Variants in SLC30A8 observed in about 807,000 individuals in gnomAD.
SLC30A8 encodes proton-coupled zinc antiporter SLC30A8.
SLC30A8 carries 27 observed loss-of-function variants against 36.9 expected under a neutral mutation model. The ratio of observed to expected loss-of-function variants is 0.73; its 90% CI spans 0.54 to 1.01. The LOEUF is 1.01. Ranked by LOEUF, SLC30A8 falls within the 50% of genes least tolerant of loss-of-function variation. The probability of loss-of-function intolerance (pLI) is 0.00; values close to 1 mark genes in which losing one functional copy is unlikely to be tolerated. For missense variants in SLC30A8, 439 were observed against 452.0 expected, an observed-to-expected ratio of 0.97 and a Z score of 0.26; for synonymous variants, 164 against 172.4, an observed-to-expected ratio of 0.95 and a Z score of 0.38.
intron 2 of SLC30A8, among the ~76,000 whole-genome samples, chr8:117,095,833 T>A (rs1327476981): frequency 6.6e-6 from 1 of 152,218 alleles, no homozygotes; most frequent in Non-Finnish European, 1.5e-5. Flanking sequence ...ATAAGTTTTT[T>A]AACTGATCAT....
At chr8:117,167,482 T>C (rs1232796706) in intron 6 of SLC30A8, among the ~76,000 whole-genome samples, 1 of 147,358 alleles carries the variant, frequency 6.8e-6, no homozygotes, top group African/African-American at 2.5e-5. Context: ...TGCATTTGCA[T>C]ATATATATAT....
chr8:117,015,192 C>T (rs1563748708), intron 1 of SLC30A8, among the ~76,000 whole-genome samples: 1 of 151,860 alleles, frequency 6.6e-6, no homozygotes, highest in Non-Finnish European at 1.5e-5. Flanking sequence ...CTTAAAAGTT[C>T]CCCGCTATCT....
chr8:116,963,705 T>C (rs898690396), intron 1 of SLC30A8, among the ~76,000 whole-genome samples: 1 of 152,218 alleles, frequency 6.6e-6, no homozygotes, highest in Admixed American at 6.5e-5. Flanking sequence ...TCGTGAATAG[T>C]GCTGCTATGA....
At chr8:117,133,285 TC>T (rs1298922952), upstream of SLC30A8, among the ~76,000 whole-genome samples, 4 of 152,128 alleles carry the variant, frequency 2.6e-5, no homozygotes, top group African/African-American at 9.6e-5. Context: ...TCTTCACTTT[TC>T]CCTGTCCTAC....
At chr8:117,007,354 AAATTAAAATCTC>A (rs1461904676) in intron 1 of SLC30A8, among the ~76,000 whole-genome samples, 1 of 152,196 alleles carries the variant, frequency 6.6e-6, no homozygotes, top group Non-Finnish European at 1.5e-5. Context: ...GGCTTCATAA[AAATTAAAATCTC>A]TTTTCCTCTC....
At chr8:117,101,233 G>A (rs1035798937) in intron 2 of SLC30A8, among the ~76,000 whole-genome samples, 2 of 152,266 alleles carry the variant, frequency 1.3e-5, no homozygotes, top group Middle Eastern at 3.4e-3. Context: ...AGACAAGTGC[G>A]TCTTTCCAGG....
chr8:117,098,694 AG>A (rs1290085780), intron 2 of SLC30A8, among the ~76,000 whole-genome samples: 1 of 152,194 alleles, frequency 6.6e-6, no homozygotes, highest in Non-Finnish European at 1.5e-5. Context: ...TGGGGCACAA[AG>A]AAATGCCAAA....
At chr8:116,961,692 G>A (rs1390981840) in intron 1 of SLC30A8, among the ~76,000 whole-genome samples, 1 of 151,924 alleles carries the variant, frequency 6.6e-6, no homozygotes, top group Non-Finnish European at 1.5e-5. Flanking sequence ...TGGCCTCTGG[G>A]GAGGGCCTTG....
rs565662892 is a variant in SLC30A8, at chr8:117,146,287, G to A, written c.72-667G>A. Among the ~76,000 whole-genome samples the A allele has an allele frequency of 2.0e-5, 3 of 152,166 alleles. No homozygotes were observed. In the East Asian group the frequency reaches 5.8e-4, roughly 29 times the overall value. On this transcript the variant is annotated intron_variant, in intron 1 of 7. Transcript: ENST00000456015. Reference sequence around the variant, plus strand: ...AAAATTGTTTTAAAAAAAGAAAAAAGGGGTTAGACCAAATGTTATCTACCT... The same window carrying A: ...AAAATTGTTTTAAAAAAAGAAAAAAAGGGTTAGACCAAATGTTATCTACCT...
At chr8:116,954,738 C>T (rs1488225693) in intron 1 of SLC30A8, among the ~76,000 whole-genome samples, 1 of 152,080 alleles carries the variant, frequency 6.6e-6, no homozygotes, top group Admixed American at 6.5e-5. Flanking sequence ...AGCTCAGTAG[C>T]TAGGCAAAAA....
intron 1 of SLC30A8, among the ~76,000 whole-genome samples, chr8:117,015,792 G>A (rs1454843905): frequency 1.3e-5 from 2 of 152,136 alleles, no homozygotes; most frequent in African/African-American, 4.8e-5. Flanking sequence ...ATGACTCTAA[G>A]CCATATGTTT....
At chr8:117,002,292 T>TATAA (rs1255731928) in intron 1 of SLC30A8, among the ~76,000 whole-genome samples, 1 of 152,210 alleles carries the variant, frequency 6.6e-6, no homozygotes, top group East Asian at 1.9e-4. Flanking sequence ...AGATAAGATA[T>TATAA]ATAAACTCCA....
At chr8:117,051,220 CTCGTTGGCCAA>C (rs1405334611) in intron 2 of SLC30A8, among the ~76,000 whole-genome samples, 2 of 152,214 alleles carry the variant, frequency 1.3e-5, no homozygotes, top group African/African-American at 2.4e-5. Flanking sequence ...ATTGTACTGA[CTCGTTGGCCAA>C]TCATCCTCTA....
chr8:117,012,421 A>G (rs1816372301), intron 1 of SLC30A8, among the ~76,000 whole-genome samples: 1 of 152,040 alleles, frequency 6.6e-6, no homozygotes, highest in Non-Finnish European at 1.5e-5. Flanking sequence ...ATATTAAAAA[A>G]AAAATGTGTC....
At chr8:117,141,761 A>G (rs1177170782) in intron 1 of SLC30A8, among the ~76,000 whole-genome samples, 1 of 152,152 alleles carries the variant, frequency 6.6e-6, no homozygotes, top group Non-Finnish European at 1.5e-5. Flanking sequence ...AATGAGTTCT[A>G]CTCAACGTGG....
At chr8:117,158,668 G>T (rs1822625594) in intron 4 of SLC30A8, among the ~76,000 whole-genome samples, 1 of 152,180 alleles carries the variant, frequency 6.6e-6, no homozygotes, top group Non-Finnish European at 1.5e-5. Context: ...TGAACTACTG[G>T]ATTGCCCAGG....
At chr8:117,076,826 A>C (rs114728148) in intron 2 of SLC30A8, among the ~76,000 whole-genome samples, 4,430 of 151,910 alleles carry the variant, frequency 0.029, 147 homozygotes, top group African/African-American at 0.085. Flanking sequence ...GGAATTAATG[A>C]TGTTTGTTGA....
intron 1 of SLC30A8, among the ~76,000 whole-genome samples, chr8:116,957,522 T>C (rs138047411): frequency 0.031 from 4,750 of 152,166 alleles, 104 homozygotes; most frequent in Middle Eastern, 0.062. Flanking sequence ...CTACCTGCCT[T>C]GGCCTCCCGA....
intron 3 of SLC30A8, 146 bp from the exon 4 acceptor site, chr8:117,157,545 C>A: frequency 1.2e-6 from 1 of 810,496 alleles, no homozygotes; most frequent in Non-Finnish European, 1.9e-6. Context: ...TAAAATCCAT[C>A]CACACTTTTA....
Sources: allele counts gnomAD v4.1 joint callset (sites outside exome capture counted in the v4.1 genomes callset), GRCh38; gene constraint gnomAD v4.1.1; transcripts MANE v1.5; gene names NCBI Gene and HGNC (gene_info 2026-07-23, HGNC 2026-07-21).